Variants in CCDC102B observed in about 807,000 individuals in gnomAD.
CCDC102B encodes coiled-coil domain-containing protein 102B.
CCDC102B carries 75 observed loss-of-function variants against 57.4 expected under a neutral mutation model. That is an observed-to-expected ratio of 1.31 (90% CI 1.08 to 1.58). The LOEUF is 1.58. Ranked by LOEUF, CCDC102B falls within the 40% of genes most tolerant of loss-of-function variation. The pLI, the probability that CCDC102B is intolerant of heterozygous loss-of-function variation, is 0.00. For missense variants in CCDC102B, 636 were observed against 582.6 expected (o/e 1.09, Z -0.94); for synonymous variants, 206 against 201.9 (o/e 1.02, Z -0.17).
intron 4 of CCDC102B, among the ~76,000 whole-genome samples, chr18:68,846,816 C>T (rs1337728564): frequency 6.6e-6 from 1 of 151,796 alleles, no homozygotes; most frequent in Non-Finnish European, 1.5e-5. Flanking sequence ...TGATAGCACA[C>T]CATCTATCAT....
intron 2 of CCDC102B, among the ~76,000 whole-genome samples, chr18:68,745,647 A>G (rs960948003): frequency 2.6e-5 from 4 of 152,096 alleles, no homozygotes; most frequent in African/African-American, 7.2e-5. Context: ...CTCATTAACT[A>G]TAATCACCCT....
intron 6 of CCDC102B, among the ~76,000 whole-genome samples, chr18:68,908,991 G>T (rs907279919): frequency 2.0e-5 from 3 of 151,630 alleles, no homozygotes; most frequent in Non-Finnish European, 4.4e-5. Flanking sequence ...GGTAATGATT[G>T]GTAATTTAAC....
chr18:68,883,521 C>G (rs1027954306), intron 5 of CCDC102B, among the ~76,000 whole-genome samples: 2 of 152,144 alleles, frequency 1.3e-5, no homozygotes, highest in Non-Finnish European at 2.9e-5. Context: ...CGATTTTGTT[C>G]AACCCTAGAT....
intron 7 of CCDC102B, among the ~76,000 whole-genome samples, chr18:69,027,006 G>A (rs1294255462): frequency 4.6e-5 from 7 of 152,288 alleles, no homozygotes; most frequent in East Asian, 1.9e-4. Flanking sequence ...CCTCCACTTC[G>A]TCCATCACGA....
chr18:68,721,652 G>A (rs1019373020), intron 2 of CCDC102B: 1 of 152,202 alleles, frequency 6.6e-6, no homozygotes, highest in African/African-American at 2.4e-5. Flanking sequence ...TGATACAGAG[G>A]TGGTTGCCAA....
chr18:68,836,970 T>A lies in CCDC102B; in HGVS notation c.207T>A (p.Ile69=). 1 of 1,614,060 alleles carries A rather than the reference T, an allele frequency of 6.2e-7. No individual in the cohort carries two copies. The highest frequency in any genetic ancestry group is 1.1e-5 in the South Asian group (1 of 91,082). ...CATATAACACCAACAAATGGGATAT[T>A]TGTGAAGAACTTCGCCTGCGGGAGC... ...AHSYNTNKWD[I]CEELRLRELE... The change falls in exon 2 of 8, where the codon ATT becomes ATA. Residue 69 remains isoleucine, a synonymous_variant. Coordinates refer to ENST00000360242, the MANE Select transcript of CCDC102B (RefSeq NM_024781.3).
At chr18:69,017,312 A>G (rs1269174991) in intron 7 of CCDC102B, among the ~76,000 whole-genome samples, 3 of 151,790 alleles carry the variant, frequency 2.0e-5, no homozygotes, top group Non-Finnish European at 4.4e-5. Context: ...TTCTGCAGAG[A>G]TGGGGTTTCT....
chr18:68,991,087 A>G (rs1265889246), intron 6 of CCDC102B, among the ~76,000 whole-genome samples: 1 of 146,166 alleles, frequency 6.8e-6, no homozygotes, highest in East Asian at 2.0e-4. Context: ...TGTCTTTCTA[A>G]CCACTTCCCT....
At chr18:69,000,053 A>G (rs2051160088) in intron 6 of CCDC102B, among the ~76,000 whole-genome samples, 1 of 152,220 alleles carries the variant, frequency 6.6e-6, no homozygotes, top group Non-Finnish European at 1.5e-5. Context: ...GAACTTTCAC[A>G]TAAGGAATGT....
chr18:68,818,037 G>T (rs2036552940), intron 1 of CCDC102B, among the ~76,000 whole-genome samples: 2 of 152,076 alleles, frequency 1.3e-5, no homozygotes, highest in Non-Finnish European at 2.9e-5. Context: ...TTACTATTTT[G>T]TATTTTAAGT....
chr18:68,819,233 T>C (rs1028704332), intron 1 of CCDC102B, among the ~76,000 whole-genome samples: 7 of 152,160 alleles, frequency 4.6e-5, no homozygotes, highest in African/African-American at 1.4e-4. Flanking sequence ...TTTATAGTTT[T>C]GTTTTACACT....
chr18:68,995,406 G>T (rs537090297), intron 6 of CCDC102B, among the ~76,000 whole-genome samples: 4 of 152,222 alleles, frequency 2.6e-5, no homozygotes, highest in African/African-American at 9.6e-5. Context: ...TCTTAGGTCG[G>T]CTTAGGAGGA....
At chr18:68,988,184 C>T (rs1000891453) in intron 6 of CCDC102B, among the ~76,000 whole-genome samples, 3 of 151,738 alleles carry the variant, frequency 2.0e-5, no homozygotes, top group East Asian at 1.9e-4. Context: ...AAATGTGGTA[C>T]GTATACATCA....
chr18:68,796,907 A>G (rs2035650042), upstream of CCDC102B, among the ~76,000 whole-genome samples: 1 of 151,916 alleles, frequency 6.6e-6, no homozygotes, highest in African/African-American at 2.4e-5. Flanking sequence ...GGTGGATGCA[A>G]GACTAAATAA....
chr18:69,037,166 C>G (rs776971137), intron 7 of CCDC102B, among the ~76,000 whole-genome samples: 1 of 151,864 alleles, frequency 6.6e-6, no homozygotes, highest in Non-Finnish European at 1.5e-5. Context: ...TGCCATCATT[C>G]CTAATTACCA....
intron 7 of CCDC102B, among the ~76,000 whole-genome samples, chr18:69,016,382 A>T (rs1337226421): frequency 6.6e-6 from 1 of 152,210 alleles, no homozygotes; most frequent in African/African-American, 2.4e-5. Context: ...TTAAGCAATT[A>T]CAATGACACT....
At chr18:68,785,142 A>C (rs1472269825) in intron 2 of CCDC102B, among the ~76,000 whole-genome samples, 3 of 151,726 alleles carry the variant, frequency 2.0e-5, no homozygotes, top group Admixed American at 6.6e-5. Flanking sequence ...CCATGTCCCT[A>C]CAAAGGACAT....
At chr18:69,005,375 G>C (rs1222815391) in intron 6 of CCDC102B, among the ~76,000 whole-genome samples, 1 of 152,056 alleles carries the variant, frequency 6.6e-6, no homozygotes, top group African/African-American at 2.4e-5. Flanking sequence ...CTACAGATCA[G>C]TATATTATTA....
intron 7 of CCDC102B, among the ~76,000 whole-genome samples, chr18:69,041,394 T>C (rs959425878): frequency 6.6e-6 from 1 of 152,122 alleles, no homozygotes; most frequent in Admixed American, 6.6e-5. Flanking sequence ...CTACACTTAT[T>C]GGATACAGGT....
Sources: gnomAD v4.1 joint callset for allele counts (sites outside exome capture counted in the v4.1 genomes callset) on GRCh38, gnomAD v4.1.1 for gene constraint, MANE v1.5 for transcripts, NCBI Gene and HGNC (gene_info 2026-07-23, HGNC 2026-07-21) for gene names.